Variants in FTCDNL1 observed in about 807,000 individuals in gnomAD.
FTCDNL1 encodes formiminotransferase cyclodeaminase N-terminal like.
Under a neutral mutation model 5.9 loss-of-function variants are expected in FTCDNL1, and 11 were observed. The observed-to-expected ratio is 1.87, with a 90% CI of 1.18 to 3.10. The LOEUF (loss-of-function observed/expected upper bound fraction) is 3.10. Among genes scored for constraint, FTCDNL1 ranks in the 30% most tolerant of loss-of-function variants. The pLI is 0.00. For missense variants in FTCDNL1, 115 were observed against 65.5 expected, an observed-to-expected ratio of 1.76 and a Z score of -2.61; for synonymous variants, 58 against 24.8, an observed-to-expected ratio of 2.34 and a Z score of -3.99.
chr2:199,823,239 T>A (rs1701805882), intron 3 of FTCDNL1, among the ~76,000 whole-genome samples: 3 of 152,174 alleles, frequency 2.0e-5, no homozygotes, highest in Admixed American at 2.0e-4. Flanking sequence ...TTTCACCACA[T>A]CTGCAGTGAC....
At chr2:199,703,208 C>T in the FTCDNL1 span, among the ~76,000 whole-genome samples, 1 of 151,476 alleles carries the variant, frequency 6.6e-6, no homozygotes, top group African/African-American at 2.4e-5. Context: ...CTCCCCCCTG[C>T]CCCCACCCCA....
At chr2:199,746,794 G>A in the FTCDNL1 span, among the ~76,000 whole-genome samples, 2 of 150,220 alleles carry the variant, frequency 1.3e-5, no homozygotes, top group Admixed American at 6.8e-5. Flanking sequence ...ATTTTTCTTC[G>A]AAAAATTAAA....
At chr2:199,665,634 T>TA in the FTCDNL1 span, among the ~76,000 whole-genome samples, 701 of 126,890 alleles carry the variant, frequency 5.5e-3, no homozygotes, top group African/African-American at 0.015. Context: ...AACTTCGTCT[T>TA]AAAAAAAAAA....
intron 3 of FTCDNL1, among the ~76,000 whole-genome samples, chr2:199,776,059 G>A (rs968994386): frequency 5.3e-5 from 8 of 151,964 alleles, no homozygotes; most frequent in Non-Finnish European, 7.4e-5. Flanking sequence ...GACTACAGGC[G>A]CCCGCCACCA....
intron 3 of FTCDNL1, among the ~76,000 whole-genome samples, chr2:199,788,817 G>C (rs1437313868): frequency 6.6e-6 from 1 of 151,860 alleles, no homozygotes; most frequent in Non-Finnish European, 1.5e-5. Flanking sequence ...ATAAAGGAGA[G>C]ATCCTAAAAA....
chr2:199,682,018 T>TTTG, the FTCDNL1 span, among the ~76,000 whole-genome samples: 1 of 152,254 alleles, frequency 6.6e-6, no homozygotes, highest in South Asian at 2.1e-4. Flanking sequence ...GTCTCATTTT[T>TTTG]TTGTTGTTGT....
At chr2:199,742,270 C>T in the FTCDNL1 span, among the ~76,000 whole-genome samples, 11 of 152,238 alleles carry the variant, frequency 7.2e-5, no homozygotes, top group Non-Finnish European at 1.2e-4. Flanking sequence ...TGAAGACTTA[C>T]ACCCTGCTCC....
chr2:199,761,070 C>T (rs1698247585), intron 3 of FTCDNL1, among the ~76,000 whole-genome samples: 1 of 152,232 alleles, frequency 6.6e-6, no homozygotes, highest in African/African-American at 2.4e-5. Flanking sequence ...TAAGTAGTCC[C>T]TTCACTACTC....
the FTCDNL1 span, among the ~76,000 whole-genome samples, chr2:199,731,627 G>T: frequency 6.6e-6 from 1 of 152,152 alleles, no homozygotes; most frequent in South Asian, 2.1e-4. Flanking sequence ...ATCCCCTCAC[G>T]CCTGTAATCC....
intron 3 of FTCDNL1, among the ~76,000 whole-genome samples, chr2:199,839,021 T>A (rs1360991612): frequency 1.3e-5 from 2 of 151,422 alleles, no homozygotes; most frequent in East Asian, 1.9e-4. Context: ...GAAGTATGAG[T>A]TCCCCAAAGA....
intron 4 of FTCDNL1, among the ~76,000 whole-genome samples, chr2:199,816,821 C>T (rs1701375857): frequency 6.6e-6 from 1 of 152,166 alleles, no homozygotes; most frequent in South Asian, 2.1e-4. Context: ...TTTATTTTGG[C>T]TGTAGCACTT....
chr2:199,667,099 T>C, the FTCDNL1 span, among the ~76,000 whole-genome samples: 6,874 of 152,060 alleles, frequency 0.045, 539 homozygotes, highest in African/African-American at 0.16. Flanking sequence ...TGACATTCTA[T>C]TCCTAGGAGG....
At chr2:199,727,663 T>C in the FTCDNL1 span, among the ~76,000 whole-genome samples, 12 of 152,262 alleles carry the variant, frequency 7.9e-5, no homozygotes, top group Admixed American at 7.8e-4. Context: ...CTTGCTGTTT[T>C]TGTTCTCAGT....
At chr2:199,695,328 A>T in the FTCDNL1 span, among the ~76,000 whole-genome samples, 1 of 152,128 alleles carries the variant, frequency 6.6e-6, no homozygotes, top group South Asian at 2.1e-4. Context: ...CACTAATAAC[A>T]TTTACTTACA....
the FTCDNL1 span, among the ~76,000 whole-genome samples, chr2:199,669,473 C>T: frequency 0.66 from 99,736 of 151,970 alleles, 36,158 homozygotes; most frequent in South Asian, 0.89. Flanking sequence ...AATACTGGAA[C>T]TGATCATTTT....
At chr2:199,780,304 G>C (rs1699301672) in intron 3 of FTCDNL1, among the ~76,000 whole-genome samples, 1 of 152,114 alleles carries the variant, frequency 6.6e-6, no homozygotes, top group Non-Finnish European at 1.5e-5. Context: ...AATTGACCAA[G>C]GGCAAATCCT....
At chr2:199,696,936 C>T in the FTCDNL1 span, among the ~76,000 whole-genome samples, 1 of 152,150 alleles carries the variant, frequency 6.6e-6, no homozygotes, top group Non-Finnish European at 1.5e-5. Flanking sequence ...AGCTGAAAGC[C>T]AAAATAGCCA....
chr2:199,774,466 C>T (rs965047396), intron 3 of FTCDNL1, among the ~76,000 whole-genome samples: 4 of 152,184 alleles, frequency 2.6e-5, no homozygotes, highest in African/African-American at 7.2e-5. Context: ...TAGGCCAGGA[C>T]GGGTGGTGGA....
At chr2:199,786,124 C>T (rs1433310552) in intron 3 of FTCDNL1, among the ~76,000 whole-genome samples, 2 of 152,084 alleles carry the variant, frequency 1.3e-5, no homozygotes, top group Non-Finnish European at 2.9e-5. Flanking sequence ...TCCTAACAGG[C>T]CACAGACCAG....
Sources: allele counts gnomAD v4.1 joint callset (sites outside exome capture counted in the v4.1 genomes callset), GRCh38; gene constraint gnomAD v4.1.1; transcripts MANE v1.5; gene names NCBI Gene and HGNC (gene_info 2026-07-23, HGNC 2026-07-21).